Variants in SCN7A observed in about 807,000 individuals in gnomAD.
The protein encoded by SCN7A is sodium channel protein type 7 subunit alpha.
Under a neutral mutation model 155.2 loss-of-function variants are expected in SCN7A, and 138 were observed. The ratio of observed to expected loss-of-function variants is 0.89; its 90% CI spans 0.77 to 1.02. The LOEUF (loss-of-function observed/expected upper bound fraction) is 1.02. Among genes scored for constraint, SCN7A ranks in the 50% least tolerant of loss-of-function variants. SCN7A has a pLI of 0.00. For synonymous variants in SCN7A, 693 were observed against 649.0 expected (o/e 1.07, Z -1.03); for missense variants, 2,058 against 1,986.6 (o/e 1.04, Z -0.68).
At chr2:166,466,419 A>T (rs1702534776) in intron 7 of SCN7A, among the ~76,000 whole-genome samples, 1 of 152,174 alleles carries the variant, frequency 6.6e-6, no homozygotes, top group South Asian at 2.1e-4. Flanking sequence ...ATAATAATTC[A>T]ATTTGAATAA....
Position 166,413,186 on chromosome 2 carries a change from C to T in SCN7A, c.3415-65G>A, listed in dbSNP as rs554033283. 157 of 888,824 alleles carry T rather than the reference C, an allele frequency of 1.8e-4. No homozygotes were observed. The African/African-American group carries it at 2.3e-3, about 13-fold the overall frequency. 55.1% of individuals were successfully genotyped at this position (888,824 alleles called of 1,614,324 possible). On this transcript the variant is annotated intron_variant, in intron 21 of 25. Coordinates refer to ENST00000643258, the MANE Select transcript of SCN7A (RefSeq NM_002976.4). ...CAAATAAAAAGTAAAATCTCAGTCT[C>T]TTATTAGTGCACTGAAATATTTGAC...
At chr2:166,452,875 G>A (rs1702202581) in intron 11 of SCN7A, among the ~76,000 whole-genome samples, 1 of 152,056 alleles carries the variant, frequency 6.6e-6, no homozygotes, top group Admixed American at 6.6e-5. Context: ...CATATGTCTG[G>A]TGCATATCTG....
At chr2:166,485,094 T>C (rs886765272) in intron 2 of SCN7A, among the ~76,000 whole-genome samples, 13 of 152,150 alleles carry the variant, frequency 8.5e-5, no homozygotes, top group Non-Finnish European at 4.4e-5. Flanking sequence ...TAACAATGAC[T>C]GAGTGACAAA....
intron 5 of SCN7A, 105 bp from the exon 6 acceptor site, chr2:166,472,550 A>G (rs1270893147): frequency 2.1e-6 from 2 of 948,592 alleles, no homozygotes; most frequent in Non-Finnish European, 3.1e-6. Flanking sequence ...ATAAGTCATC[A>G]GGAAGGTGAG....
At chr2:166,426,754 G>A (rs1701633587) in intron 18 of SCN7A, among the ~76,000 whole-genome samples, 2 of 151,952 alleles carry the variant, frequency 1.3e-5, no homozygotes, top group Admixed American at 6.6e-5. Flanking sequence ...CTGGCATCCT[G>A]GTAAATGTTC....
At chr2:166,422,954 C>G (rs1242424409) in intron 19 of SCN7A, among the ~76,000 whole-genome samples, 2 of 152,054 alleles carry the variant, frequency 1.3e-5, no homozygotes, top group African/African-American at 2.4e-5. Context: ...GTTAAGCCAA[C>G]AGAAGAACTT....
intron 1 of SCN7A, among the ~76,000 whole-genome samples, chr2:166,491,064 A>T (rs1683090426): frequency 6.6e-6 from 1 of 152,172 alleles, no homozygotes; most frequent in Non-Finnish European, 1.5e-5. Flanking sequence ...GAACTCAGAG[A>T]GTGAGCAGCT....
chr2:166,420,079 T>C lies in SCN7A; in HGVS notation c.3135+1111A>G, dbSNP rs2105387489. ...AAATATAACTAATGTACTTAAGTACTTTACACAATCATAAAAGTGAAATTA... is the reference window on the plus strand; with the variant it reads ...AAATATAACTAATGTACTTAAGTACCTTACACAATCATAAAAGTGAAATTA... On this transcript the variant is annotated intron_variant, in intron 20 of 25. Transcript: ENST00000643258. Among the ~76,000 whole-genome samples, 3 of 152,166 alleles carry C rather than the reference T, an allele frequency of 2.0e-5. No individual in the cohort carries two copies. The Middle Eastern group carries it at 0.01, about 532-fold the overall frequency.
At chr2:166,471,959 T>C (rs1178031849) in intron 6 of SCN7A, among the ~76,000 whole-genome samples, 1 of 151,894 alleles carries the variant, frequency 6.6e-6, no homozygotes, top group Non-Finnish European at 1.5e-5. Flanking sequence ...ACCCACTCCT[T>C]TCATTCTTTT....
intron 7 of SCN7A, among the ~76,000 whole-genome samples, chr2:166,469,314 G>C (rs1357643197): frequency 6.6e-6 from 1 of 151,120 alleles, no homozygotes; most frequent in Non-Finnish European, 1.5e-5. Context: ...TTCATCTAGG[G>C]TAGTGTAATT....
In SCN7A at chr2:166,413,981, G is replaced by GTATATA. The variant is rs556351441; in HGVS notation, c.3415-866_3415-861dup. Among the ~76,000 whole-genome samples, 119 of 53,500 alleles carry GTATATA rather than the reference G, an allele frequency of 2.2e-3. 7 individuals are homozygous for GTATATA. Among genetic ancestry groups the GTATATA allele is most frequent in the African/African-American group, 5.3e-3 (72 of 13,580 alleles). 35.1% of individuals were successfully genotyped at this position (53,500 alleles called of 152,430 possible). A position where few individuals can be genotyped will look rare whatever the true frequency, so the allele number is the denominator to read the frequency against. On this transcript the variant is annotated intron_variant, in intron 21 of 25. Transcript: ENST00000643258. ...CCCCTTTATATATATATGTGTATGT[G>GTATATA]TATATATATATATATATATATAAAT... is the stretch of plus-strand genomic sequence containing the variant.
chr2:166,437,112 C>A (rs1158659815), intron 15 of SCN7A, among the ~76,000 whole-genome samples: 1 of 152,228 alleles, frequency 6.6e-6, no homozygotes, highest in Non-Finnish European at 1.5e-5. Flanking sequence ...TTGGCAGCAG[C>A]CCCTCTCATA....
intron 1 of SCN7A, among the ~76,000 whole-genome samples, chr2:166,488,306 C>T (rs1703097010): frequency 6.6e-6 from 1 of 152,108 alleles, no homozygotes; most frequent in Non-Finnish European, 1.5e-5. Context: ...GAATGCTTTC[C>T]CCTCCAGGGT....
Position 166,437,489 on chromosome 2 carries a change from C to G in SCN7A, c.2157+3907G>C, listed in dbSNP as rs530577359. 8.5e-5 allele frequency among the ~76,000 whole-genome samples: 13 copies of G among 152,298 alleles called. No individual in the cohort carries two copies. In the East Asian group the frequency reaches 2.5e-3, roughly 29 times the overall value. On this transcript the variant is annotated intron_variant, in intron 15 of 25. Transcript: ENST00000643258. ...AAGAAATGTAGGGTTGGAGCCCCCA[C>G]ACAGAGTCCCCACTGGGGCACTGCC...
rs775017427 is a variant in SCN7A, at chr2:166,427,771, C to T, written c.2853+17G>A. ...TTGTCCCCAGCAAAGTATCAAACAC[C>T]CTGGCTGCCCACTTACCAGAGTGCC... On this transcript the variant is annotated intron_variant, in intron 18 of 25. Coordinates refer to ENST00000643258, the MANE Select transcript of SCN7A (RefSeq NM_002976.4). 1.3e-6 allele frequency: 2 copies of T among 1,596,110 alleles called. No individual in the cohort carries two copies. The highest frequency in any genetic ancestry group is 2.3e-5 in the East Asian group (1 of 44,416).
At chr2:166,490,227 C>T (rs576318673) in intron 1 of SCN7A, among the ~76,000 whole-genome samples, 3 of 152,210 alleles carry the variant, frequency 2.0e-5, no homozygotes, top group Middle Eastern at 3.4e-3. Flanking sequence ...AAATTTTGCA[C>T]ACTTTGACCA....
chr2:166,441,806 C>G, intron 14 of SCN7A, 54 bp from the exon 15 acceptor site: 1 of 1,379,936 alleles, frequency 7.2e-7, no homozygotes, highest in African/African-American at 1.4e-5. Context: ...AAAACTTGGT[C>G]AGTGTATATT....
intron 12 of SCN7A, among the ~76,000 whole-genome samples, chr2:166,445,521 A>G (rs1249414527): frequency 6.6e-6 from 1 of 152,228 alleles, no homozygotes; most frequent in Admixed American, 6.5e-5. Context: ...ACTCTATCCT[A>G]ATAAAAAACT....
intron 2 of SCN7A, among the ~76,000 whole-genome samples, chr2:166,485,619 G>C (rs1703029599): frequency 6.6e-6 from 1 of 152,082 alleles, no homozygotes; most frequent in South Asian, 2.1e-4. Context: ...TAGAAAGGGA[G>C]GTTTCTAGGA....
Sources: gnomAD v4.1 joint callset for allele counts (sites outside exome capture counted in the v4.1 genomes callset) on GRCh38, gnomAD v4.1.1 for gene constraint, MANE v1.5 for transcripts, NCBI Gene and HGNC (gene_info 2026-07-23, HGNC 2026-07-21) for gene names.